The following IGSF23 variants were observed in gnomAD, a reference collection of about 807,000 sequenced individuals.
IGSF23 encodes the protein immunoglobulin superfamily, member 23.
Under a neutral mutation model 17.8 loss-of-function variants are expected in IGSF23, and 14 were observed. The observed-to-expected ratio is 0.79, with a 90% CI of 0.52 to 1.23. The LOEUF (loss-of-function observed/expected upper bound fraction) is 1.23. Ranked by LOEUF, IGSF23 falls within the 50% of genes most tolerant of loss-of-function variation. IGSF23 has a pLI of 0.00. For missense variants in IGSF23, 214 were observed against 241.7 expected (o/e 0.89, Z 0.76); for synonymous variants, 85 against 92.5 (o/e 0.92, Z 0.46).
In IGSF23 at chr19:44,613,722, C is replaced by T. The variant is rs745571129; in HGVS notation, c.77C>T (p.Pro26Leu). 4.5e-6 allele frequency: 7 copies of T among 1,550,428 alleles called. No individual in the cohort carries two copies. The highest frequency in any genetic ancestry group is 2.7e-5 in the African/African-American group (2 of 73,016). ...AWSPPTTTTDPMLEKDAAGGD... is the reference protein window; with the variant it reads ...AWSPPTTTTDLMLEKDAAGGD... Reference sequence around the variant, plus strand: ...TCCCCACCCACCACCACCACTGACCCGATGCTAGAGAAGGATGCGGCTGGA... The same window carrying T: ...TCCCCACCCACCACCACCACTGACCTGATGCTAGAGAAGGATGCGGCTGGA... Residue 26 changes from proline to leucine, a missense_variant, in exon 1 of 5, where the codon CCG becomes CTG. Transcript: ENST00000402988.
intron 2 of IGSF23, among the ~76,000 whole-genome samples, chr19:44,627,031 T>C (rs1340356220): frequency 6.6e-6 from 1 of 151,618 alleles, no homozygotes. Flanking sequence ...GGGATGAGCT[T>C]GGAAAATTGA....
chr19:44,625,839 C>A (rs866810257), intron 2 of IGSF23, among the ~76,000 whole-genome samples: 5 of 152,070 alleles, frequency 3.3e-5, no homozygotes, highest in South Asian at 4.1e-4. Flanking sequence ...CCATGCTGTT[C>A]TCGTGATAGT....
rs116652232 is a variant in IGSF23 at position 44,633,071 on chromosome 19, C to G, written c.546-2330C>G. On this transcript the variant is annotated intron_variant, in intron 3 of 4. Coordinates refer to ENST00000402988, the MANE Select transcript of IGSF23 (RefSeq NM_001205280.2). Reference sequence around the variant, plus strand: ...TTACCTTTCAAGCCAGAATAAGAAGCTGTACTATTACTAGACCCATCTGTA... The same window carrying G: ...TTACCTTTCAAGCCAGAATAAGAAGGTGTACTATTACTAGACCCATCTGTA... 8.9e-3 allele frequency among the ~76,000 whole-genome samples: 1,356 copies of G among 152,332 alleles called. 12 individuals carry two copies. The highest frequency in any genetic ancestry group is 0.031 in the African/African-American group (1,306 of 41,566).
chr19:44,627,601 T>TGGG (rs1414672035), intron 3 of IGSF23, 28 bp downstream of exon 3: 16 of 1,534,384 alleles, frequency 1.0e-5, no homozygotes, highest in Admixed American at 7.9e-5. Context: ...CCCCGTCCAC[T>TGGG]GGGCAACATC....
chr19:44,631,930 C>A (rs1030904674), intron 3 of IGSF23, among the ~76,000 whole-genome samples: 2 of 152,186 alleles, frequency 1.3e-5, no homozygotes, highest in African/African-American at 2.4e-5. Context: ...CACAGTGCCA[C>A]AGAGATATTG....
Sources: gnomAD v4.1 joint callset for allele counts (sites outside exome capture counted in the v4.1 genomes callset) on GRCh38, gnomAD v4.1.1 for gene constraint, MANE v1.5 for transcripts, NCBI Gene and HGNC (gene_info 2026-07-23, HGNC 2026-07-21) for gene names.